Variants in LRBA observed in about 807,000 individuals in gnomAD.
LRBA encodes the protein lipopolysaccharide-responsive and beige-like anchor protein.
Under a neutral mutation model 330.0 loss-of-function variants are expected in LRBA, and 176 were observed. That is an observed-to-expected ratio of 0.53 (90% CI 0.47 to 0.60). LRBA has a LOEUF of 0.60. Among genes scored for constraint, LRBA ranks in the 20% least tolerant of loss-of-function variants. The pLI, the probability that LRBA is intolerant of heterozygous loss-of-function variation, is 0.00. For missense variants in LRBA, 3,259 were observed against 3,444.8 expected (o/e 0.95, Z 1.35); for synonymous variants, 1,230 against 1,193.0 (o/e 1.03, Z -0.64).
chr4:150,673,740 C>G (rs1440466512), intron 37 of LRBA, among the ~76,000 whole-genome samples: 1 of 152,146 alleles, frequency 6.6e-6, no homozygotes, highest in Non-Finnish European at 1.5e-5. Flanking sequence ...AATCACAACA[C>G]AATTATTACA....
chr4:150,863,861 C>T (rs1016719680), intron 22 of LRBA, among the ~76,000 whole-genome samples: 3 of 152,190 alleles, frequency 2.0e-5, no homozygotes, highest in Non-Finnish European at 4.4e-5. Context: ...AAAGACTAAT[C>T]TATTCATCCT....
chr4:150,916,772 G>A (rs367986218), intron 5 of LRBA, 34 bp from the exon 6 acceptor site: 66 of 1,481,736 alleles, frequency 4.5e-5, no homozygotes, highest in African/African-American at 8.5e-5. Context: ...ATTAACTCAC[G>A]TGAAAACCTG....
intron 36 of LRBA, among the ~76,000 whole-genome samples, chr4:150,692,161 T>C (rs757646651): frequency 5.3e-5 from 8 of 152,130 alleles, no homozygotes; most frequent in Non-Finnish European, 8.8e-5. Flanking sequence ...TACTTAAAAT[T>C]TTATTACATG....
rs181615186 is a variant in LRBA at position 150,869,823 on chromosome 4, G to C, written c.2449+702C>G. ...TAATACCAGCACTTTGGGAGGTTGAGGTGGGAAGATTGCTTGAGCCCAGGA... is the reference window on the plus strand; with the variant it reads ...TAATACCAGCACTTTGGGAGGTTGACGTGGGAAGATTGCTTGAGCCCAGGA... On this transcript the variant is annotated intron_variant, in intron 20 of 56. Transcript: ENST00000651943. 5.9e-5 allele frequency among the ~76,000 whole-genome samples: 9 copies of C among 152,288 alleles called. No homozygotes were observed. In the East Asian group the frequency reaches 1.2e-3, roughly 20 times the overall value.
intron 48 of LRBA, among the ~76,000 whole-genome samples, chr4:150,343,406 TA>T (rs1456935071): frequency 6.6e-6 from 1 of 152,238 alleles, no homozygotes; most frequent in Admixed American, 6.5e-5. Flanking sequence ...TGTGCCCCAT[TA>T]GAATGTGAGC....
intron 40 of LRBA, among the ~76,000 whole-genome samples, chr4:150,539,509 GA>G (rs751803281): frequency 6.6e-6 from 1 of 152,128 alleles, no homozygotes; most frequent in African/African-American, 2.4e-5. Flanking sequence ...GAAACATTCT[GA>G]AATAAATCTA....
intron 35 of LRBA, among the ~76,000 whole-genome samples, chr4:150,737,203 G>C (rs1428536343): frequency 1.3e-5 from 2 of 152,134 alleles, no homozygotes; most frequent in African/African-American, 4.8e-5. Flanking sequence ...GAGCAACAGA[G>C]AGAGATCCTC....
intron 13 of LRBA, among the ~76,000 whole-genome samples, chr4:150,904,728 T>C (rs1731131174): frequency 6.6e-6 from 1 of 152,160 alleles, no homozygotes; most frequent in African/African-American, 2.4e-5. Context: ...AAATTTGACC[T>C]GGAGATAAAA....
chr4:150,867,579 T>C, intron 22 of LRBA, 92 bp downstream of exon 22: 3 of 1,018,412 alleles, frequency 2.9e-6, no homozygotes, highest in Non-Finnish European at 2.8e-6. Flanking sequence ...CCTTTTTTCC[T>C]TGATTTTAAG....
chr4:150,359,841 G>T (rs900517455), intron 47 of LRBA, among the ~76,000 whole-genome samples: 7 of 151,866 alleles, frequency 4.6e-5, no homozygotes, highest in Non-Finnish European at 1.0e-4. Context: ...TTAGCTGGGC[G>T]TGGTGGCGCG....
intron 2 of LRBA, among the ~76,000 whole-genome samples, chr4:151,003,847 A>G (rs898704621): frequency 2.0e-5 from 3 of 152,012 alleles, no homozygotes; most frequent in Non-Finnish European, 2.9e-5. Flanking sequence ...GAATAGACAG[A>G]CAATCCAGAA....
chr4:150,869,165 T>A (rs1181383984), intron 20 of LRBA, among the ~76,000 whole-genome samples: 2 of 151,130 alleles, frequency 1.3e-5, no homozygotes, highest in African/African-American at 4.9e-5. Flanking sequence ...GTGATCCACC[T>A]GCCTTGGCGT....
intron 40 of LRBA, among the ~76,000 whole-genome samples, chr4:150,567,721 C>A (rs17026965): frequency 0.027 from 4,103 of 152,174 alleles, 177 homozygotes; most frequent in African/African-American, 0.093. Context: ...TTGAGTTTTG[C>A]AAGACTTTCA....
intron 14 of LRBA, 85 bp from the exon 15 acceptor site, chr4:150,897,903 T>G (rs1730285101): frequency 2.3e-6 from 2 of 852,718 alleles, no homozygotes; most frequent in South Asian, 3.0e-5. Flanking sequence ...CCCAACAGCT[T>G]TTCCATGTGT....
intron 44 of LRBA, among the ~76,000 whole-genome samples, chr4:150,451,454 A>T (rs188494241): frequency 2.0e-5 from 3 of 152,344 alleles, no homozygotes; most frequent in Admixed American, 2.0e-4. Context: ...TTTCTAAATA[A>T]TCCATGGGTC....
intron 40 of LRBA, among the ~76,000 whole-genome samples, chr4:150,559,960 A>C (rs531491411): frequency 8.0e-5 from 9 of 113,140 alleles, no homozygotes; most frequent in African/African-American, 3.2e-4. Flanking sequence ...ATATATATAA[A>C]TATATATATT....
At chr4:150,911,387 G>T (rs373538013) in intron 9 of LRBA, among the ~76,000 whole-genome samples, 1 of 151,776 alleles carries the variant, frequency 6.6e-6, no homozygotes, top group East Asian at 1.9e-4. Flanking sequence ...GAGTGTTTTA[G>T]GTTTTTTTTA....
At chr4:150,346,345 CAGTTA>C (rs1408974889) in intron 48 of LRBA, among the ~76,000 whole-genome samples, 1 of 151,890 alleles carries the variant, frequency 6.6e-6, no homozygotes, top group East Asian at 1.9e-4. Context: ...GGAAGACTAT[CAGTTA>C]AGGCTTAATT....
At position 150,823,662 on chromosome 4, in the gene LRBA, C is replaced by A. The variant is rs1462098142; in HGVS notation, c.5171+4518G>T. On this transcript the variant is annotated intron_variant, in intron 30 of 56. Coordinates refer to ENST00000651943, the MANE Select transcript of LRBA (RefSeq NM_001364905.1). ...GTATATAGTAAGAGATAAAGGTATTCATTCTTCTGCATATGGATATACACT... is the reference window on the plus strand; with the variant it reads ...GTATATAGTAAGAGATAAAGGTATTAATTCTTCTGCATATGGATATACACT... Among the ~76,000 whole-genome samples the A allele has an allele frequency of 2.6e-5, 4 of 152,162 alleles. No individual in the cohort carries two copies. The East Asian group carries it at 7.7e-4, about 29-fold the overall frequency.
Sources: gnomAD v4.1 joint callset for allele counts (sites outside exome capture counted in the v4.1 genomes callset) on GRCh38, gnomAD v4.1.1 for gene constraint, MANE v1.5 for transcripts, NCBI Gene and HGNC (gene_info 2026-07-23, HGNC 2026-07-21) for gene names.